ALOX12: variants seen among roughly 807,000 people sequenced by gnomAD.
ALOX12 encodes polyunsaturated fatty acid lipoxygenase ALOX12.
Under a neutral mutation model 85.5 loss-of-function variants are expected in ALOX12, and 62 were observed. The observed-to-expected ratio is 0.73, with a 90% CI of 0.59 to 0.90. The LOEUF is 0.90. ALOX12 is among the 40% of genes least tolerant of loss of function. The pLI is 0.00. For synonymous variants in ALOX12, 299 were observed against 332.7 expected (o/e 0.90, Z 1.10); for missense variants, 751 against 856.5 (o/e 0.88, Z 1.54).
rs1909341993 is a variant in ALOX12 at position 7,010,545 on chromosome 17, C to G, written c.*122C>G. On this transcript the variant is annotated 3_prime_UTR_variant, in exon 14 of 14. Coordinates refer to ENST00000251535, the MANE Select transcript of ALOX12 (RefSeq NM_000697.3). ...GCTCTATTTCCTCCCCCAGTTAAAC[C>G]CCCTACATTAGTATCCCACTAGCCC... 1 of 1,226,422 alleles carries G rather than the reference C, an allele frequency of 8.2e-7. No homozygotes were observed. Among genetic ancestry groups the G allele is most frequent in the Non-Finnish European group, 1.1e-6 (1 of 903,078 alleles). 76.0% of individuals were successfully genotyped at this position (1,226,422 alleles called of 1,614,324 possible). A position where few individuals can be genotyped will look rare whatever the true frequency, so the allele number is the denominator to read the frequency against.
At position 6,998,727 on chromosome 17, in the gene ALOX12, G is replaced by A. The variant is rs1331879540; in HGVS notation, c.432G>A (p.Trp144Ter). The part of the protein sequence containing the change: ...DRQQIYCWAT[W>*]KEGLPLTIAA... ...CCCCAACTCCTAGCTGGGCCACCTGGAAGGAAGGGTTACCCCTGACCATCG... is the reference window on the plus strand; with the variant it reads ...CCCCAACTCCTAGCTGGGCCACCTGAAAGGAAGGGTTACCCCTGACCATCG... The change falls in exon 4 of 14, where the codon TGG becomes TGA. Residue 144 changes from tryptophan to a stop codon, truncating the protein, a stop_gained. Transcript: ENST00000251535. LOFTEE classifies it high-confidence loss of function. 5.0e-6 allele frequency: 8 copies of A among 1,613,918 alleles called. No individual in the cohort carries two copies. The highest frequency in any genetic ancestry group is 6.8e-6 in the Non-Finnish European group (8 of 1,180,004).
intron 11 of ALOX12, among the ~76,000 whole-genome samples, chr17:7,007,796 G>A (rs187015663): frequency 9.9e-5 from 15 of 152,184 alleles, no homozygotes; most frequent in Admixed American, 2.0e-4. Flanking sequence ...CAGGAGAATC[G>A]CTTGAACTTG....
chr17:7,005,900 C>G lies in ALOX12; in HGVS notation c.1291C>G (p.Arg431Gly). The G allele has an allele frequency of 6.2e-7, 1 of 1,613,522 alleles. No homozygotes were observed. Among genetic ancestry groups the G allele is most frequent in the Non-Finnish European group, 8.5e-7 (1 of 1,179,938 alleles). Residue 431 changes from arginine (R) to glycine (G), a missense_variant, in exon 10 of 14, where the codon CGG (arginine) becomes GGG (glycine). By Grantham distance (125) the Arg-to-Gly change is moderately radical. Coordinates refer to ENST00000251535, the MANE Select transcript of ALOX12 (RefSeq NM_000697.3). ...AGGGGGCCATGTACAGTTGCTCCGT[C>G]GGGCGGCAGCTCAGCTGACCTACTG... ...GGGGHVQLLR[R>G]AAAQLTYCSL...
intron 11 of ALOX12, chr17:7,009,508 T>C (rs1383684608): frequency 2.1e-6 from 1 of 486,076 alleles, no homozygotes. Flanking sequence ...ATCTCATTTA[T>C]AATGTAGGTA....
chr17:7,006,040 G>A lies in ALOX12; in HGVS notation c.1418+13G>A, dbSNP rs775131379. 8.8e-7 allele frequency: 1 copy of A among 1,135,158 alleles called. No individual in the cohort carries two copies. Among genetic ancestry groups the A allele is most frequent in the Non-Finnish European group, 1.2e-6 (1 of 838,570 alleles). 70.3% of individuals were successfully genotyped at this position (1,135,158 alleles called of 1,614,324 possible). On this transcript the variant is annotated intron_variant, in intron 10 of 13. Transcript: ENST00000251535. ...AGATCATTGCCAGGTGAGTAAGGAGGAGCTGAGAAATGGTGGGGCCGGGGG... is the reference window on the plus strand; with the variant it reads ...AGATCATTGCCAGGTGAGTAAGGAGAAGCTGAGAAATGGTGGGGCCGGGGG...
chr17:7,004,874 C>G (rs1010409508), intron 8 of ALOX12, among the ~76,000 whole-genome samples: 1 of 152,178 alleles, frequency 6.6e-6, no homozygotes, highest in African/African-American at 2.4e-5. Context: ...AACAATGAAG[C>G]AGACAGCTAC....
chr17:7,007,290 C>A (rs1463120073), intron 11 of ALOX12, among the ~76,000 whole-genome samples: 1 of 152,190 alleles, frequency 6.6e-6, no homozygotes, highest in African/African-American at 2.4e-5. Flanking sequence ...GAAGAAAAAG[C>A]CTTTGCTGAG....
rs2151645385 is a variant in ALOX12 at position 7,006,171 on chromosome 17, C to T, written c.1418+144C>T. The stretch of plus-strand genomic sequence containing the variant: ...GGAGAGATGAGGAAAAGTGAGGACA[C>T]AGTGGGTGGCTCTGAAAATGAGGAG... On this transcript the variant is annotated intron_variant, in intron 10 of 13. Transcript: ENST00000251535. 3.9e-6 allele frequency: 3 copies of T among 769,336 alleles called. No individual in the cohort carries two copies. The South Asian group carries it at 5.4e-5, about 14-fold the overall frequency. 47.7% of individuals were successfully genotyped at this position (769,336 alleles called of 1,614,324 possible).
chr17:6,996,420 G>C (rs1366215657), intron 1 of ALOX12, among the ~76,000 whole-genome samples, 168 bp downstream of exon 1: 1 of 152,172 alleles, frequency 6.6e-6, no homozygotes, highest in African/African-American at 2.4e-5. Context: ...ATTAGGGACA[G>C]GGTCCGCAGC....
chr17:7,006,121 G>A, intron 10 of ALOX12, 94 bp downstream of exon 10: 6 of 1,006,842 alleles, frequency 6.0e-6, no homozygotes, highest in Non-Finnish European at 8.6e-6. Flanking sequence ...GGTCCAGAAA[G>A]GAGAAGCAGA....
intron 8 of ALOX12, chr17:7,002,060 A>G (rs1908739191): frequency 3.9e-6 from 2 of 513,254 alleles, no homozygotes; most frequent in South Asian, 4.6e-5. Flanking sequence ...GGGCTTGAAC[A>G]CTGCTAGTAA....
chr17:6,997,244 G>A, intron 2 of ALOX12: 1 of 687,342 alleles, frequency 1.5e-6, no homozygotes, highest in Non-Finnish European at 1.8e-6. Flanking sequence ...GAGGCTGGAG[G>A]CAGGGAGTAA....
chr17:7,010,158 C>CA, intron 13 of ALOX12, 32 bp downstream of exon 13: 2 of 1,600,186 alleles, frequency 1.2e-6, no homozygotes, highest in Non-Finnish European at 1.7e-6. Flanking sequence ...AGGGAAATGA[C>CA]AGTTGGAAAG....
chr17:7,003,624 C>T (rs1040352161), intron 8 of ALOX12, among the ~76,000 whole-genome samples: 2 of 152,042 alleles, frequency 1.3e-5, no homozygotes, highest in African/African-American at 2.4e-5. Flanking sequence ...GACAGGGTTT[C>T]ACTATGTGGC....
intron 9 of ALOX12, among the ~76,000 whole-genome samples, chr17:7,005,566 C>T (rs534787064): frequency 2.7e-5 from 4 of 149,418 alleles, no homozygotes; most frequent in East Asian, 2.0e-4. Flanking sequence ...CTGCCATCTC[C>T]GCCTCCTGGG....
intron 11 of ALOX12, among the ~76,000 whole-genome samples, chr17:7,007,406 C>CT (rs1909142867): frequency 6.6e-6 from 1 of 152,226 alleles, no homozygotes; most frequent in African/African-American, 2.4e-5. Context: ...TCCTCTGCCT[C>CT]TGTGAGACAA....
At chr17:7,003,572 G>T (rs1908818189) in intron 8 of ALOX12, among the ~76,000 whole-genome samples, 1 of 151,986 alleles carries the variant, frequency 6.6e-6, no homozygotes, top group Admixed American at 6.6e-5. Flanking sequence ...GACTACAGGT[G>T]TGCACCACCA....
intron 8 of ALOX12, among the ~76,000 whole-genome samples, chr17:7,004,198 TTTTTAA>T (rs1908886771): frequency 6.9e-6 from 1 of 144,860 alleles, no homozygotes; most frequent in African/African-American, 2.5e-5. Context: ...AACATTTAAA[TTTTTAA>T]TTTTAATATT....
intron 5 of ALOX12, 90 bp downstream of exon 5, chr17:6,999,146 A>G: frequency 6.7e-7 from 1 of 1,493,124 alleles, no homozygotes; most frequent in South Asian, 1.2e-5. Context: ...TCTTTGCAAG[A>G]AGAGACCTTA....
Sources: gnomAD v4.1 joint callset for allele counts (sites outside exome capture counted in the v4.1 genomes callset) on GRCh38, gnomAD v4.1.1 for gene constraint, MANE v1.5 for transcripts, NCBI Gene and HGNC (gene_info 2026-07-23, HGNC 2026-07-21) for gene names.